Variants in OR8D1 observed in about 807,000 individuals in gnomAD.
The protein encoded by OR8D1 is olfactory receptor family 8 subfamily D member 1, also known as olfactory receptor 8D1.
For missense variants in OR8D1, 384 were observed against 366.8 expected (o/e 1.05, Z -0.38); for synonymous variants, 143 against 147.0 (o/e 0.97, Z 0.20).
intron 1 of OR8D1, among the ~76,000 whole-genome samples, chr11:124,313,444 A>G (rs1862441033): frequency 6.6e-6 from 1 of 152,184 alleles, no homozygotes; most frequent in Admixed American, 6.5e-5. Flanking sequence ...ATTTCAGGGA[A>G]GCAAACACTT....
Position 124,309,839 on chromosome 11 carries a change from C to T in OR8D1, c.*1G>A, listed in dbSNP as rs1357390008. On this transcript the variant is annotated 3_prime_UTR_variant, in exon 3 of 3. Coordinates refer to ENST00000641015, the MANE Select transcript of OR8D1 (RefSeq NM_001002917.2). ...CATCTATAAATCCCCCAAATCAGGA[C>T]TCATTTTCCTACTAAGACCTTCCTT... 2.1e-6 allele frequency: 3 copies of T among 1,423,012 alleles called. No individual in the cohort carries two copies. In the African/African-American group the frequency reaches 4.2e-5, roughly 20 times the overall value. The allele number at this position is 1,423,012 out of a possible 1,614,324, so 88.1% of individuals were successfully genotyped here. A position where few individuals can be genotyped will look rare whatever the true frequency, so the allele number is the denominator to read the frequency against.
chr11:124,311,380 G>T (rs1016416102), intron 2 of OR8D1, among the ~76,000 whole-genome samples, 192 bp downstream of exon 2: 1 of 152,054 alleles, frequency 6.6e-6, no homozygotes, highest in Non-Finnish European at 1.5e-5. Context: ...GCTGGAGAAG[G>T]GTGGGGGAGG....
intron 1 of OR8D1, among the ~76,000 whole-genome samples, chr11:124,313,225 GGAAA>G (rs1396112749): frequency 6.8e-5 from 9 of 132,292 alleles, no homozygotes; most frequent in African/African-American, 2.4e-4. Flanking sequence ...AAAGAAAGAA[GGAAA>G]GAAAGAAGGA....
At chr11:124,311,892 A>G (rs1301221765) in intron 1 of OR8D1, among the ~76,000 whole-genome samples, 1 of 152,162 alleles carries the variant, frequency 6.6e-6, no homozygotes, top group Non-Finnish European at 1.5e-5. Context: ...TCCAATGTCT[A>G]TTTGACAACA....
Position 124,309,939 on chromosome 11 carries a change from C to T in OR8D1, c.828G>A (p.Val276=), listed in dbSNP as rs4936918. ...GCATGGGGATCACCGTGGTGTAGAACACAGAGGACACCTTCTCCTGGTCCA... is the reference window on the plus strand; with the variant it reads ...GCATGGGGATCACCGTGGTGTAGAATACAGAGGACACCTTCTCCTGGTCCA... The part of the protein sequence containing the change: ...NSLDQEKVSS[V]FYTTVIPMLN... The change falls in exon 3 of 3, where the codon GTG becomes GTA. Residue 276 remains valine, a synonymous_variant. Transcript: ENST00000641015. 566,555 of 1,547,970 alleles carry T rather than the reference C, an allele frequency of 0.37. 106,556 individuals carry two copies. The highest frequency in any genetic ancestry group is 0.43 in the East Asian group (19,067 of 44,374).
rs1177467002 is a variant in OR8D1, at chr11:124,302,915, G to A, written c.*6925C>T. 6.6e-6 allele frequency: 1 copy of A among 152,086 alleles called. No homozygotes were observed. Among genetic ancestry groups the A allele is most frequent in the Non-Finnish European group, 1.5e-5 (1 of 67,982 alleles). The allele number at this position is 152,086 out of a possible 1,614,324, so 9.4% of individuals were successfully genotyped here. A position where few individuals can be genotyped will look rare whatever the true frequency, so the allele number is the denominator to read the frequency against. On this transcript the variant is annotated 3_prime_UTR_variant, in exon 3 of 3. Coordinates refer to ENST00000641015, the MANE Select transcript of OR8D1 (RefSeq NM_001002917.2). ...ATTTCTTTACAAATGAGTATATGCA[G>A]GAATGCAGTTTCACAAGTGAATCTG...
rs1010642211 is a variant in OR8D1, at chr11:124,305,625, A to T, written c.*4215T>A. ...GGAGAGTCACTAAATAGATATAAAC[A>T]TCATTAGCAATTTAAAGAGCTATAC... On this transcript the variant is annotated 3_prime_UTR_variant, in exon 3 of 3. Coordinates refer to ENST00000641015, the MANE Select transcript of OR8D1 (RefSeq NM_001002917.2). 56 of 151,982 alleles carry T rather than the reference A, an allele frequency of 3.7e-4. No homozygotes were observed. Among genetic ancestry groups the T allele is most frequent in the African/African-American group, 1.2e-3 (51 of 41,526 alleles). 9.4% of individuals were successfully genotyped at this position (151,982 alleles called of 1,614,324 possible). A position where few individuals can be genotyped will look rare whatever the true frequency, so the allele number is the denominator to read the frequency against.
rs1862413988 is a variant in OR8D1 at position 124,310,674 on chromosome 11, G to T, written c.93C>A (p.Phe31Leu). ...CTACTGTGACCACATAGATTCCCAG[G>T]AACAGGAGGAAGAGGGGCAGCTGGA... ...AELQLPLFLL[F>L]LGIYVVTVVG... The change falls in exon 3 of 3, where the codon TTC becomes TTA. Residue 31 changes from phenylalanine to leucine, a missense_variant. By Grantham distance (22) the Phe-to-Leu change is conservative (BLOSUM62 0). Coordinates refer to ENST00000641015, the MANE Select transcript of OR8D1 (RefSeq NM_001002917.2). The T allele has an allele frequency of 6.2e-7, 1 of 1,613,820 alleles. No homozygotes were observed. The highest frequency in any genetic ancestry group is 1.1e-5 in the South Asian group (1 of 91,074).
Position 124,310,101 on chromosome 11 carries a change from G to C in OR8D1, c.666C>G (p.Leu222=). 6.2e-7 allele frequency: 1 copy of C among 1,613,678 alleles called. No individual in the cohort carries two copies. Among genetic ancestry groups the C allele is most frequent in the East Asian group, 2.2e-5 (1 of 44,766 alleles). Residue 222 remains leucine, a synonymous_variant, in exon 3 of 3, where the codon CTC becomes CTG. Coordinates refer to ENST00000641015, the MANE Select transcript of OR8D1 (RefSeq NM_001002917.2). ...AGGAGCGGATGTGAAGGATGCTGTA[G>C]AGGATGAAGGCATAGGAGACAGCAA... ...LAVAVSYAFI[L]YSILHIRSSE...
rs781737847 is a variant in OR8D1, at chr11:124,310,387, C to T, written c.380G>A (p.Cys127Tyr). 4.3e-6 allele frequency: 7 copies of T among 1,613,324 alleles called. No homozygotes were observed. The highest frequency in any genetic ancestry group is 8.5e-7 in the Non-Finnish European group (1 of 1,179,820). Residue 127 changes from cysteine (C) to tyrosine (Y), a missense_variant, in exon 3 of 3, where the codon TGT becomes TAT. Coordinates refer to ENST00000641015, the MANE Select transcript of OR8D1 (RefSeq NM_001002917.2). ...AMAYDRYVAI[C>Y]SPLLYNAIMS... ...GATCGCATTATAAAGCAGTGGGCTA[C>T]AGATGGCAACATAGCGATCATATGC...
chr11:124,308,284 C>T lies in OR8D1; in HGVS notation c.*1556G>A, dbSNP rs923218331. On this transcript the variant is annotated 3_prime_UTR_variant, in exon 3 of 3. Transcript: ENST00000641015. ...AATTTGAAGGTCAGGATCCTGGATTCAGAAAAGTGTTAATTGCACTATTAA... is the reference window on the plus strand; with the variant it reads ...AATTTGAAGGTCAGGATCCTGGATTTAGAAAAGTGTTAATTGCACTATTAA... 1.6e-4 allele frequency: 25 copies of T among 152,082 alleles called. No homozygotes were observed. The highest frequency in any genetic ancestry group is 1.6e-3 in the Admixed American group (25 of 15,248). 9.4% of individuals were successfully genotyped at this position (152,082 alleles called of 1,614,324 possible).
rs1243943895 is a variant in OR8D1, at chr11:124,304,765, G to T, written c.*5075C>A. 6.6e-6 allele frequency: 1 copy of T among 151,758 alleles called. No individual in the cohort carries two copies. Among genetic ancestry groups the T allele is most frequent in the Non-Finnish European group, 1.5e-5 (1 of 67,866 alleles). 9.4% of individuals were successfully genotyped at this position (151,758 alleles called of 1,614,324 possible). A position where few individuals can be genotyped will look rare whatever the true frequency, so the allele number is the denominator to read the frequency against. On this transcript the variant is annotated 3_prime_UTR_variant, in exon 3 of 3. Coordinates refer to ENST00000641015, the MANE Select transcript of OR8D1 (RefSeq NM_001002917.2). ...TTACTCATTTTTTTAATAATTGGTTGTAGGAATTATTTATAAAAGTTGGAT... is the reference window on the plus strand; with the variant it reads ...TTACTCATTTTTTTAATAATTGGTTTTAGGAATTATTTATAAAAGTTGGAT...
Position 124,310,520 on chromosome 11 carries a change from C to T in OR8D1, c.247G>A (p.Val83Met). The part of the protein sequence containing the change: ...YSSVITPKML[V>M]NFLGKKNTIL... Reference sequence around the variant, plus strand: ...GTATTCTTCTTTCCTAGGAAGTTCACCAGCATTTTGGGAGTAATGACAGAG... The same window carrying T: ...GTATTCTTCTTTCCTAGGAAGTTCATCAGCATTTTGGGAGTAATGACAGAG... The change falls in exon 3 of 3, where the codon GTG (valine) becomes ATG (methionine). Residue 83 changes from valine (V) to methionine (M), a missense_variant. Transcript: ENST00000641015. 1 of 1,613,734 alleles carries T rather than the reference C, an allele frequency of 6.2e-7. No homozygotes were observed. Among genetic ancestry groups the T allele is most frequent in the Non-Finnish European group, 8.5e-7 (1 of 1,179,886 alleles).
Position 124,308,191 on chromosome 11 carries a change from ATAAGT to A in OR8D1, c.*1644_*1648del, listed in dbSNP as rs1187689671. The stretch of plus-strand genomic sequence containing the variant: ...GAAGAAAAATGAGACTAAAAGTAAA[ATAAGT>A]TAATTAAACTGGAATAAGAGAGAGA... On this transcript the variant is annotated 3_prime_UTR_variant, in exon 3 of 3. Transcript: ENST00000641015. The A allele has an allele frequency of 1.3e-5, 2 of 152,150 alleles. No individual in the cohort carries two copies. The highest frequency in any genetic ancestry group is 1.3e-4 in the Admixed American group (2 of 15,260). 9.4% of individuals were successfully genotyped at this position (152,150 alleles called of 1,614,324 possible). A position where few individuals can be genotyped will look rare whatever the true frequency, so the allele number is the denominator to read the frequency against.
chr11:124,312,713 T>G (rs1862433719), intron 1 of OR8D1, among the ~76,000 whole-genome samples: 1 of 151,654 alleles, frequency 6.6e-6, no homozygotes, highest in African/African-American at 2.4e-5. Context: ...AGACAAGGTT[T>G]CACCATGTTG....
In OR8D1 at chr11:124,309,958, T is replaced by A; in HGVS notation, c.809A>T (p.Gln270Leu). 1 of 1,561,226 alleles carries A rather than the reference T, an allele frequency of 6.4e-7. No individual in the cohort carries two copies. Among genetic ancestry groups the A allele is most frequent in the Non-Finnish European group, 8.6e-7 (1 of 1,156,428 alleles). Residue 270 changes from glutamine (Q) to leucine (L), a missense_variant, in exon 3 of 3, where the codon CAG becomes CTG. Gln to Leu is a moderately radical substitution (Grantham distance 113, BLOSUM62 -2). Transcript: ENST00000641015. ...FKPPSSNSLD[Q>L]EKVSSVFYTT... Reference sequence around the variant, plus strand: ...GTAGAACACAGAGGACACCTTCTCCTGGTCCAGGGAGTTACTTGAAGGGGG... The same window carrying A: ...GTAGAACACAGAGGACACCTTCTCCAGGTCCAGGGAGTTACTTGAAGGGGG...
chr11:124,310,098 G>T lies in OR8D1; in HGVS notation c.669C>A (p.Tyr223Ter). The change falls in exon 3 of 3, where the codon TAC becomes TAA. Residue 223 changes from tyrosine to a stop codon, truncating the protein, a stop_gained. Transcript: ENST00000641015. LOFTEE classifies it low-confidence loss of function (END_TRUNC). ...AVAVSYAFIL[Y>*]SILHIRSSEG... ...CTGAGGAGCGGATGTGAAGGATGCTGTAGAGGATGAAGGCATAGGAGACAG... is the reference window on the plus strand; with the variant it reads ...CTGAGGAGCGGATGTGAAGGATGCTTTAGAGGATGAAGGCATAGGAGACAG... The T allele has an allele frequency of 1.2e-6, 2 of 1,613,692 alleles. No homozygotes were observed. The highest frequency in any genetic ancestry group is 1.7e-6 in the Non-Finnish European group (2 of 1,179,824).
chr11:124,310,324 G>A lies in OR8D1; in HGVS notation c.443C>T (p.Ala148Val), dbSNP rs1396246367. 6.2e-7 allele frequency: 1 copy of A among 1,613,682 alleles called. No homozygotes were observed. The highest frequency in any genetic ancestry group is 2.2e-5 in the East Asian group (1 of 44,752). ...GGCAGAGAGAAAGCCCAAGAAGAAG[G>A]CAGCCAGCACTAGCAGTGAGCAGAC... ...SWVCSLLVLA[A>V]FFLGFLSALT... The change falls in exon 3 of 3, where the codon GCC becomes GTC. Residue 148 changes from alanine (A) to valine (V), a missense_variant. Transcript: ENST00000641015.
intron 2 of OR8D1, among the ~76,000 whole-genome samples, 180 bp downstream of exon 2, chr11:124,311,392 A>G (rs924222963): frequency 1.3e-5 from 2 of 152,152 alleles, no homozygotes; most frequent in African/African-American, 4.8e-5. Context: ...TGGGGGAGGC[A>G]AAAGCTTCAT....
Sources: allele counts gnomAD v4.1 joint callset (sites outside exome capture counted in the v4.1 genomes callset), GRCh38; gene constraint gnomAD v4.1.1; transcripts MANE v1.5; gene names NCBI Gene and HGNC (gene_info 2026-07-23, HGNC 2026-07-21).